Variants in COL17A1 observed in about 807,000 individuals in gnomAD.
The protein encoded by COL17A1 is collagen type XVII alpha 1 chain.
Under a neutral mutation model 218.4 loss-of-function variants are expected in COL17A1, and 181 were observed. The observed-to-expected ratio is 0.83, with a 90% CI of 0.73 to 0.94. COL17A1 has a LOEUF of 0.94. Ranked by LOEUF, COL17A1 falls within the 40% of genes least tolerant of loss-of-function variation. COL17A1 has a pLI of 0.00. For missense variants in COL17A1, 1,924 were observed against 1,945.9 expected (o/e 0.99, Z 0.21); for synonymous variants, 721 against 731.0 (o/e 0.99, Z 0.22).
At chr10:104,056,841 G>C (rs555304133) in intron 17 of COL17A1, 134 bp downstream of exon 17, 198 of 1,515,354 alleles carry the variant, frequency 1.3e-4, no homozygotes, top group Non-Finnish European at 1.7e-4. Flanking sequence ...CGGTAACAAG[G>C]GTCTGCACCA....
chr10:104,037,545 A>G, intron 46 of COL17A1, 91 bp downstream of exon 46: 1 of 1,514,122 alleles, frequency 6.6e-7, no homozygotes, highest in Non-Finnish European at 9.2e-7. Flanking sequence ...AGAAGGGCAA[A>G]GCAAACAGCA....
At chr10:104,067,801 T>G (rs1222608407) in intron 9 of COL17A1, among the ~76,000 whole-genome samples, 2 of 136,154 alleles carry the variant, frequency 1.5e-5, no homozygotes, top group African/African-American at 2.7e-5. Context: ...AGAAACTGAG[T>G]GTAAGGGAAA....
rs56024648 is a variant in COL17A1, at chr10:104,041,196, G to T, written c.2648-78C>A. 9,352 of 1,608,444 alleles carry T rather than the reference G, an allele frequency of 5.8e-3. 421 individuals carry two copies. The African/African-American group carries it at 0.11, about 18-fold the overall frequency. On this transcript the variant is annotated intron_variant, in intron 38 of 55. Coordinates refer to ENST00000648076, the MANE Select transcript of COL17A1 (RefSeq NM_000494.4). ...CCTCTGCTCAGGAGGAGGCAGCAGG[G>T]AAGCTCTTTCCTATAAGCCAGCCCA...
At chr10:104,055,226 A>G in intron 19 of COL17A1, 146 bp downstream of exon 19, 1 of 1,487,078 alleles carries the variant, frequency 6.7e-7, no homozygotes, top group Non-Finnish European at 9.3e-7. Flanking sequence ...TCTAAAACCA[A>G]CAGATACCTC....
chr10:104,061,327 G>C (rs2086580480), intron 13 of COL17A1, 78 bp downstream of exon 13: 1 of 1,377,820 alleles, frequency 7.3e-7, no homozygotes, highest in African/African-American at 1.4e-5. Flanking sequence ...GTATTGGAAG[G>C]ATACACAGGC....
intron 9 of COL17A1, among the ~76,000 whole-genome samples, chr10:104,065,925 T>C (rs2086622324): frequency 1.3e-5 from 2 of 152,172 alleles, no homozygotes; most frequent in South Asian, 4.1e-4. Flanking sequence ...AGACAAAGTT[T>C]CTTAAATCAG....
chr10:104,069,862 C>G (rs560591483), intron 9 of COL17A1, among the ~76,000 whole-genome samples: 31 of 152,086 alleles, frequency 2.0e-4, no homozygotes, highest in African/African-American at 6.8e-4. Flanking sequence ...TGAAACGTGA[C>G]AACGAACAGC....
At chr10:104,062,421 G>C in intron 11 of COL17A1, 92 bp from the exon 12 acceptor site, 2 of 1,549,878 alleles carry the variant, frequency 1.3e-6, no homozygotes, top group Admixed American at 1.7e-5. Context: ...CCACTTTCAT[G>C]ATCAATGGTT....
At position 104,054,707 on chromosome 10, in the gene COL17A1, C is replaced by G. The variant is rs1037119772; in HGVS notation, c.1744+274G>C. ...AAGACTCCTGCCCACATGCATACCC[C>G]CTGAGTCAAAGGCTCGGGAAATGTG... On this transcript the variant is annotated intron_variant, in intron 20 of 55. Transcript: ENST00000648076. Among the ~76,000 whole-genome samples, 5 of 152,166 alleles carry G rather than the reference C, an allele frequency of 3.3e-5. No individual in the cohort carries two copies. In the East Asian group the frequency reaches 7.7e-4, roughly 23 times the overall value.
intron 9 of COL17A1, among the ~76,000 whole-genome samples, chr10:104,068,196 C>G (rs970019595): frequency 6.6e-6 from 1 of 152,164 alleles, no homozygotes; most frequent in African/African-American, 2.4e-5. Context: ...CATATTATTA[C>G]AAAAAGATAA....
intron 52 of COL17A1, among the ~76,000 whole-genome samples, chr10:104,033,662 C>A (rs1016862955): frequency 6.6e-6 from 1 of 152,196 alleles, no homozygotes; most frequent in Non-Finnish European, 1.5e-5. Flanking sequence ...AGCAGAAAAT[C>A]CAGCATGGTC....
At chr10:104,081,166 A>G (rs2086761697) in intron 1 of COL17A1, among the ~76,000 whole-genome samples, 1 of 152,258 alleles carries the variant, frequency 6.6e-6, no homozygotes, top group Non-Finnish European at 1.5e-5. Context: ...GTCTGGAGGT[A>G]AGAATGGCAC....
At chr10:104,051,668 T>A (rs1564677768) in intron 24 of COL17A1, 152 bp from the exon 25 acceptor site, 3 of 924,820 alleles carry the variant, frequency 3.2e-6, no homozygotes, top group Non-Finnish European at 5.1e-6. Context: ...CCAGTGCATG[T>A]CCTCCTTAGG....
chr10:104,054,608 G>A (rs2086501824), intron 20 of COL17A1, among the ~76,000 whole-genome samples: 1 of 152,126 alleles, frequency 6.6e-6, no homozygotes, highest in Non-Finnish European at 1.5e-5. Context: ...GCTGGAGAGA[G>A]GTGGGATCCT....
At position 104,041,528 on chromosome 10, in the gene COL17A1, A is replaced by G; in HGVS notation, c.2562T>C (p.Asn854=). The G allele has an allele frequency of 6.2e-7, 1 of 1,613,152 alleles. No individual in the cohort carries two copies. Among genetic ancestry groups the G allele is most frequent in the Non-Finnish European group, 8.5e-7 (1 of 1,179,144 alleles). The change falls in exon 37 of 56, where the codon AAT becomes AAC. Residue 854 remains asparagine (N), a synonymous_variant. Coordinates refer to ENST00000648076, the MANE Select transcript of COL17A1 (RefSeq NM_000494.4). Reference sequence around the variant, plus strand: ...CGGGTGGGCCTGGGGGACCTTGTAAATTAAGAACTTCTATAGAGAGAAGAA... The same window carrying G: ...CGGGTGGGCCTGGGGGACCTTGTAAGTTAAGAACTTCTATAGAGAGAAGAA... The part of the protein sequence containing the change: ...AGLPGHQEVL[N]LQGPPGPPGP...
At chr10:104,065,710 T>TATGGA (rs1242555143) in intron 9 of COL17A1, among the ~76,000 whole-genome samples, 1 of 152,224 alleles carries the variant, frequency 6.6e-6, no homozygotes, top group Non-Finnish European at 1.5e-5. Context: ...GGGCTATGCA[T>TATGGA]ATGGAATGGG....
intron 3 of COL17A1, among the ~76,000 whole-genome samples, chr10:104,078,172 G>A (rs1003565440): frequency 6.6e-6 from 1 of 152,194 alleles, no homozygotes; most frequent in African/African-American, 2.4e-5. Context: ...CCTTGTTCAG[G>A]TTAGATCAGA....
intron 5 of COL17A1, 31 bp from the exon 6 acceptor site, chr10:104,074,262 T>A: frequency 6.2e-7 from 1 of 1,614,080 alleles, no homozygotes; most frequent in Non-Finnish European, 8.5e-7. Flanking sequence ...TTAGAACAAA[T>A]GGCCTCTTAG....
intron 19 of COL17A1, 125 bp downstream of exon 19, chr10:104,055,247 C>A (rs575056552): frequency 2.0e-6 from 3 of 1,533,998 alleles, no homozygotes; most frequent in Non-Finnish European, 2.7e-6. Context: ...CCAACAGATA[C>A]CATAAGATCA....
Sources: gnomAD v4.1 joint callset for allele counts (sites outside exome capture counted in the v4.1 genomes callset) on GRCh38, gnomAD v4.1.1 for gene constraint, MANE v1.5 for transcripts, NCBI Gene and HGNC (gene_info 2026-07-23, HGNC 2026-07-21) for gene names.